RBM10: variants seen among roughly 807,000 people sequenced by gnomAD.
RBM10 encodes RNA-binding protein 10.
Under a neutral mutation model 84.9 loss-of-function variants are expected in RBM10, and 1 was observed. That is an observed-to-expected ratio of 0.01 (90% CI 0.00 to 0.06). RBM10 has a LOEUF of 0.06. Ranked by LOEUF, RBM10 falls within the 10% of genes least tolerant of loss-of-function variation. RBM10 has a pLI of 1.00. For missense variants in RBM10, 438 were observed against 839.0 expected (o/e 0.52, Z 5.90); for synonymous variants, 326 against 344.5 (o/e 0.95, Z 0.60).
chrX:47,174,672 T>G (rs1298509674), intron 5 of RBM10, among the ~76,000 whole-genome samples: 1 of 110,455 alleles, frequency 9.1e-6, no homozygotes, highest in Non-Finnish European at 1.9e-5. Context: ...TCTCGTATTC[T>G]TTCCCTCCCA....
chrX:47,183,080 G>C (rs1194662323), intron 17 of RBM10, among the ~76,000 whole-genome samples: 1 of 112,374 alleles, frequency 8.9e-6, no homozygotes, highest in Non-Finnish European at 1.9e-5. Context: ...GGGAAGCCCA[G>C]TGGTGTTGGC....
Position 47,179,364 on chromosome X carries a change from C to T in RBM10, c.770C>T (p.Thr257Ile). The change falls in exon 9 of 24, where the codon ACA becomes ATA. Residue 257 changes from threonine (T) to isoleucine (I), a missense_variant. Thr to Ile is a moderately conservative substitution (Grantham distance 89, BLOSUM62 -1). Coordinates refer to ENST00000377604, the MANE Select transcript of RBM10 (RefSeq NM_005676.5). ...CTCGGCACGAGGCTGGATCAGCAGA[C>T]ACTGCCACTGGGTGGCCGGGAGCTG... The part of the protein sequence containing the change: ...LPLGTRLDQQ[T>I]LPLGGRELSQ... The T allele has an allele frequency of 8.3e-7, 1 of 1,201,235 alleles. No individual in the cohort carries two copies. The highest frequency in any genetic ancestry group is 1.1e-6 in the Non-Finnish European group (1 of 891,684).
In RBM10 at chrX:47,181,440, C is replaced by T. The variant is rs782725028; in HGVS notation, c.1435+39C>T. 21 of 1,206,293 alleles carry T rather than the reference C, an allele frequency of 1.7e-5. No homozygotes were observed. The South Asian group carries it at 3.5e-4, about 20-fold the overall frequency. ...TCTCTCTCTGCAGCTGTGGTGGGGG[C>T]CAGCAGGCATAAAGTCCCCGGCCCC... On this transcript the variant is annotated intron_variant, in intron 13 of 23. Transcript: ENST00000377604.
In RBM10 at chrX:47,150,816, A is replaced by G. The variant is rs140873611; in HGVS notation, c.17+3318A>G. Among the ~76,000 whole-genome samples the G allele has an allele frequency of 2.9e-3, 324 of 111,896 alleles. 11 individuals are homozygous for G. The East Asian group carries it at 0.071, about 25-fold the overall frequency. ...CTGGTTTAATCATTTATGGGGCTTT[A>G]TTATATATCAAAAGTTATCAAAGTC... On this transcript the variant is annotated intron_variant, in intron 2 of 23. Coordinates refer to ENST00000377604, the MANE Select transcript of RBM10 (RefSeq NM_005676.5).
intron 2 of RBM10, among the ~76,000 whole-genome samples, chrX:47,150,653 C>G (rs1374543629): frequency 8.9e-6 from 1 of 112,109 alleles, no homozygotes; most frequent in Non-Finnish European, 1.9e-5. Context: ...CAGGTTCCCT[C>G]ATGTACATGG....
rs184096287 is a variant in RBM10, at chrX:47,171,087, G to A, written c.261G>A (p.Arg87=). The A allele has an allele frequency of 3.3e-6, 4 of 1,208,873 alleles. No homozygotes were observed. The East Asian group carries it at 1.2e-4, about 36-fold the overall frequency. The change falls in exon 4 of 24, where the codon AGG becomes AGA. Residue 87 remains arginine, a synonymous_variant. Transcript: ENST00000377604. Reference sequence around the variant, plus strand: ...AGCGTAGGCGGCGGCGGCGGCACAGGCACAGCCCCACCGGCCCGCCAGGCT... The same window carrying A: ...AGCGTAGGCGGCGGCGGCGGCACAGACACAGCCCCACCGGCCCGCCAGGCT... The part of the protein sequence containing the change: ...ETQRRRRRRH[R]HSPTGPPGFP...
chrX:47,164,124 CT>C (rs1246105088), intron 2 of RBM10, among the ~76,000 whole-genome samples: 1 of 110,242 alleles, frequency 9.1e-6, no homozygotes, highest in Non-Finnish European at 1.9e-5. Flanking sequence ...CCACATTGGC[CT>C]CCCAAAGTGC....
rs781895512 is a variant in RBM10 at position 47,186,678 on chromosome X, C to T, written c.*79C>T. ...AGGACAGAGTGTTGGATGGCTGGGA[C>T]GGGGCCTTGCTCTTGTCGGCCAGCC... On this transcript the variant is annotated 3_prime_UTR_variant, in exon 24 of 24. Transcript: ENST00000377604. 889 of 1,141,336 alleles carry T rather than the reference C, an allele frequency of 7.8e-4. No homozygotes were observed. The highest frequency in any genetic ancestry group is 1.0e-3 in the Non-Finnish European group (838 of 836,219). 94.1% of individuals were successfully genotyped at this position (1,141,336 alleles called of 1,213,427 possible).
intron 6 of RBM10, 22 bp from the exon 7 acceptor site, chrX:47,176,478 T>C (rs1184674964): frequency 1.7e-6 from 2 of 1,211,223 alleles, no homozygotes; most frequent in Non-Finnish European, 2.2e-6. Flanking sequence ...TGGACCTCAC[T>C]GTGCTCTGCT....
chrX:47,170,925 C>G (rs1934602015), intron 3 of RBM10, 103 bp from the exon 4 acceptor site: 2 of 875,414 alleles, frequency 2.3e-6, no homozygotes, highest in East Asian at 6.6e-5. Flanking sequence ...CCGCACATCC[C>G]TGGCTTTCAG....
At chrX:47,174,854 G>A (rs996125342) in intron 5 of RBM10, among the ~76,000 whole-genome samples, 165 bp from the exon 6 acceptor site, 5 of 103,089 alleles carry the variant, frequency 4.9e-5, no homozygotes, top group Non-Finnish European at 5.9e-5. Context: ...CCCCACGCCC[G>A]CTAGTCTTTC....
At chrX:47,165,700 TC>T (rs782039000) in intron 2 of RBM10, among the ~76,000 whole-genome samples, 14 of 109,631 alleles carry the variant, frequency 1.3e-4, no homozygotes, top group East Asian at 1.1e-3. Context: ...ACACCTGTAG[TC>T]CCAGCTACTC....
intron 11 of RBM10, 33 bp downstream of exon 11, chrX:47,180,342 T>TGG: frequency 2.8e-6 from 3 of 1,059,471 alleles, no homozygotes; most frequent in Non-Finnish European, 2.6e-6. Flanking sequence ...TTCCCACCCT[T>TGG]CCCCTCCCCA....
chrX:47,168,744 G>C lies in RBM10; in HGVS notation c.18-571G>C, dbSNP rs375944015. On this transcript the variant is annotated intron_variant, in intron 2 of 23. Coordinates refer to ENST00000377604, the MANE Select transcript of RBM10 (RefSeq NM_005676.5). ...CCTGCAAGCCGAATGAGACCTTGGT[G>C]AGCATTTTGGTATTTGATCCTGAGA... 2.1e-4 allele frequency among the ~76,000 whole-genome samples: 23 copies of C among 111,289 alleles called. No homozygotes were observed. In the East Asian group the frequency reaches 4.5e-3, roughly 22 times the overall value.
At position 47,186,554 on chromosome X, in the gene RBM10, G is replaced by T; in HGVS notation, c.2748G>T (p.Glu916Asp). Residue 916 changes from glutamate (E) to aspartate (D), a missense_variant, in exon 24 of 24, where the codon GAG (glutamate) becomes GAT (aspartate). Physicochemically the swap from Glu to Asp is conservative, Grantham distance 45. Around this residue, in one of 8 missense-constraint regions of RBM10, gnomAD observed 92 missense variants for 199.9 expected, o/e 0.46. Transcript: ENST00000377604. ...YGVTSTESYK[E>D]TLHKTMVTRF... ...TCACCTCAACCGAGTCCTACAAGGA[G>T]ACACTGCACAAGACAATGGTGACCC... The T allele has an allele frequency of 8.3e-7, 1 of 1,212,072 alleles. No individual in the cohort carries two copies. The highest frequency in any genetic ancestry group is 1.1e-6 in the Non-Finnish European group (1 of 895,542).
At position 47,186,428 on chromosome X, in the gene RBM10, C is replaced by G. The variant is rs370224557; in HGVS notation, c.2667+41C>G. 7.5e-6 allele frequency: 9 copies of G among 1,199,104 alleles called. No individual in the cohort carries two copies. In the African/African-American group the frequency reaches 1.2e-4, roughly 16 times the overall value. On this transcript the variant is annotated intron_variant, in intron 23 of 23. Transcript: ENST00000377604. ...TCCTGTCCCATCCCCCAGCACCCCT[C>G]ACAGCATCCCCCACCAGCCTGACAG... is the stretch of plus-strand genomic sequence containing the variant.
rs782382099 is a variant in RBM10 at position 47,179,761 on chromosome X, C to T, written c.902-119C>T. On this transcript the variant is annotated intron_variant, in intron 9 of 23. Coordinates refer to ENST00000377604, the MANE Select transcript of RBM10 (RefSeq NM_005676.5). The stretch of plus-strand genomic sequence containing the variant: ...ATCCTGGAGGAAGCAGTGAGGGAAG[C>T]GGCAGTTGCAAAGGCACGGAGTGAG... The T allele has an allele frequency of 1.0e-3, 994 of 952,933 alleles. 1 individual carries two copies. The highest frequency in any genetic ancestry group is 1.4e-3 in the Non-Finnish European group (953 of 688,075). The allele number at this position is 952,933 out of a possible 1,213,427, so 78.5% of individuals were successfully genotyped here.
chrX:47,181,486 C>T (rs2147187485), intron 13 of RBM10, 21 bp from the exon 14 acceptor site: 2 of 1,211,644 alleles, frequency 1.7e-6, no homozygotes, highest in Non-Finnish European at 2.2e-6. Flanking sequence ...GGCATTGTCC[C>T]TGCCCTGTCC....
At chrX:47,148,059 C>T (rs782271707) in intron 2 of RBM10, among the ~76,000 whole-genome samples, 1 of 111,862 alleles carries the variant, frequency 8.9e-6, no homozygotes, top group Non-Finnish European at 1.9e-5. Flanking sequence ...GTGACCCAGC[C>T]ATGACACTTG....
Sources: gnomAD v4.1 joint callset for allele counts (sites outside exome capture counted in the v4.1 genomes callset) on GRCh38, gnomAD v4.1.1 for gene constraint, gnomAD v4.1.1 regional missense constraint, MANE v1.5 for transcripts, NCBI Gene and HGNC (gene_info 2026-07-23, HGNC 2026-07-21) for gene names.